PLXNA4: variants seen among roughly 807,000 people sequenced by gnomAD.
PLXNA4 encodes the protein plexin-A4.
A neutral mutation model predicts 191.8 loss-of-function variants in PLXNA4; 44 were observed. The ratio of observed to expected loss-of-function variants is 0.23; its 90% CI spans 0.18 to 0.29. The LOEUF is 0.29. Ranked by LOEUF, PLXNA4 falls within the 10% of genes least tolerant of loss-of-function variation. The probability of loss-of-function intolerance (pLI) is 1.00; values close to 1 mark genes in which losing one functional copy is unlikely to be tolerated. For synonymous variants in PLXNA4, 1,082 were observed against 1,009.5 expected, an observed-to-expected ratio of 1.07 and a Z score of -1.36; for missense variants, 1,800 against 2,488.8, an observed-to-expected ratio of 0.72 and a Z score of 5.89.
rs536317173 is a variant in PLXNA4 at position 132,403,181 on chromosome 7, C to A, written c.1371+86111G>T. Among the ~76,000 whole-genome samples, 4 of 152,320 alleles carry A rather than the reference C, an allele frequency of 2.6e-5. No homozygotes were observed. In the East Asian group the frequency reaches 7.7e-4, roughly 29 times the overall value. ...CCACTACACAGAGCCCAGGTCCCGG[C>A]CCCAGACTCAGAGGCCCTGACGCCT... is the stretch of plus-strand genomic sequence containing the variant. On this transcript the variant is annotated intron_variant, in intron 3 of 31. Coordinates refer to ENST00000321063, the MANE Select transcript of PLXNA4 (RefSeq NM_020911.2).
chr7:132,272,347 C>T (rs1224795449), intron 4 of PLXNA4, among the ~76,000 whole-genome samples: 1 of 152,204 alleles, frequency 6.6e-6, no homozygotes, highest in Non-Finnish European at 1.5e-5. Flanking sequence ...CTCAGTTTCT[C>T]ATCTGTAAAA....
chr7:132,452,200 T>A (rs532642546), intron 3 of PLXNA4, among the ~76,000 whole-genome samples: 2 of 152,340 alleles, frequency 1.3e-5, no homozygotes, highest in South Asian at 4.1e-4. Context: ...CAAAAACCTT[T>A]ATCTGTCATC....
At chr7:132,153,916 C>A (rs913449963) in intron 25 of PLXNA4, among the ~76,000 whole-genome samples, 1 of 152,300 alleles carries the variant, frequency 6.6e-6, no homozygotes, top group East Asian at 1.9e-4. Flanking sequence ...GTCTTCCTAT[C>A]ATCATCTCTC....
chr7:132,459,749 G>C (rs1796434229), intron 3 of PLXNA4, among the ~76,000 whole-genome samples: 2 of 152,146 alleles, frequency 1.3e-5, no homozygotes, highest in African/African-American at 4.8e-5. Context: ...AAGTGGGGAG[G>C]CTCCCTCGAT....
chr7:132,615,414 C>G (rs992137612), intron 2 of PLXNA4, among the ~76,000 whole-genome samples: 37 of 152,208 alleles, frequency 2.4e-4, no homozygotes, highest in Non-Finnish European at 3.4e-4. Context: ...GCGGAGGGGA[C>G]GGGGGCTGGG....
intron 2 of PLXNA4, among the ~76,000 whole-genome samples, chr7:132,584,234 A>G (rs1260217450): frequency 6.6e-6 from 1 of 152,240 alleles, no homozygotes; most frequent in Non-Finnish European, 1.5e-5. Context: ...AATTAAAAGA[A>G]AATATTAATA....
At chr7:132,608,506 G>T (rs1457916077) in intron 2 of PLXNA4, among the ~76,000 whole-genome samples, 4 of 152,130 alleles carry the variant, frequency 2.6e-5, no homozygotes, top group Non-Finnish European at 5.9e-5. Flanking sequence ...CAGTGAAAGT[G>T]CTCTCAGAGA....
intron 3 of PLXNA4, among the ~76,000 whole-genome samples, chr7:132,434,698 G>A (rs906826478): frequency 6.6e-6 from 1 of 152,174 alleles, no homozygotes; most frequent in Non-Finnish European, 1.5e-5. Flanking sequence ...CTCATTTGGG[G>A]ACACCAAGGC....
At chr7:132,355,110 A>C (rs1262177226) in intron 3 of PLXNA4, among the ~76,000 whole-genome samples, 1 of 152,182 alleles carries the variant, frequency 6.6e-6, no homozygotes, top group African/African-American at 2.4e-5. Flanking sequence ...GGGCTGGTTC[A>C]TGAAGCCTTG....
At chr7:132,330,779 G>T (rs1047126636) in intron 3 of PLXNA4, among the ~76,000 whole-genome samples, 9 of 152,184 alleles carry the variant, frequency 5.9e-5, no homozygotes, top group South Asian at 2.1e-4. Context: ...CACTGACCCT[G>T]GCAGCCACCT....
intron 16 of PLXNA4, 136 bp downstream of exon 16, chr7:132,185,163 G>C (rs1796834745): frequency 7.7e-7 from 1 of 1,303,168 alleles, no homozygotes; most frequent in African/African-American, 1.5e-5. Flanking sequence ...GTCTGATTTG[G>C]GGGTGTTTGG....
chr7:132,365,776 T>C (rs1274480470), intron 3 of PLXNA4: 1 of 152,160 alleles, frequency 6.6e-6, no homozygotes, highest in Admixed American at 6.5e-5. Flanking sequence ...GAAACTCAAT[T>C]CCTTTGAGAA....
At chr7:132,174,570 A>G (rs377281523) in intron 21 of PLXNA4, among the ~76,000 whole-genome samples, 7 of 152,292 alleles carry the variant, frequency 4.6e-5, no homozygotes, top group African/African-American at 7.2e-5. Flanking sequence ...CAAGACCTGA[A>G]GCCCTACTCA....
At chr7:132,245,664 CA>C (rs1488316364) in intron 4 of PLXNA4, among the ~76,000 whole-genome samples, 2 of 152,250 alleles carry the variant, frequency 1.3e-5, no homozygotes, top group Admixed American at 1.3e-4. Flanking sequence ...TCACAATAGC[CA>C]AAAGATGGAA....
chr7:132,595,929 C>A (rs1436861499), intron 2 of PLXNA4, among the ~76,000 whole-genome samples: 1 of 152,136 alleles, frequency 6.6e-6, no homozygotes, highest in Non-Finnish European at 1.5e-5. Flanking sequence ...ACCTTCAATA[C>A]CATTATTGTG....
intron 2 of PLXNA4, among the ~76,000 whole-genome samples, chr7:132,593,668 C>T (rs1435993822): frequency 1.3e-5 from 2 of 152,218 alleles, no homozygotes; most frequent in African/African-American, 4.8e-5. Context: ...AAGTCACAGG[C>T]AGCAGGTCTC....
At chr7:132,234,509 G>C (rs564703389) in intron 5 of PLXNA4, among the ~76,000 whole-genome samples, 1 of 152,250 alleles carries the variant, frequency 6.6e-6, no homozygotes, top group East Asian at 1.9e-4. Context: ...GGGACATTGA[G>C]AGCTTGAGCA....
intron 2 of PLXNA4, among the ~76,000 whole-genome samples, chr7:132,618,458 T>C (rs1171089473): frequency 2.6e-5 from 4 of 152,254 alleles, no homozygotes; most frequent in Admixed American, 2.0e-4. Context: ...TTAATAAATA[T>C]GTGTTGACCA....
chr7:132,562,665 TTCCTCC>T lies in PLXNA4; in HGVS notation c.-87+13751_-87+13756del, dbSNP rs1356336558. Among the ~76,000 whole-genome samples the T allele has an allele frequency of 8.4e-3, 556 of 66,450 alleles. 19 individuals carry two copies. The highest frequency in any genetic ancestry group is 0.035 in the African/African-American group (517 of 14,958). The allele number at this position is 66,450 out of a possible 152,430, so 43.6% of individuals were successfully genotyped here. ...CTTTCTCCTCCTCCTCCTCCTTCTC[TTCCTCC>T]TCCTCCTCCTCTCCTCCTTTTCCTC... On this transcript the variant is annotated intron_variant, in intron 1 of 31. Coordinates refer to ENST00000321063, the MANE Select transcript of PLXNA4 (RefSeq NM_020911.2).
Sources: gnomAD v4.1 joint callset for allele counts (sites outside exome capture counted in the v4.1 genomes callset) on GRCh38, gnomAD v4.1.1 for gene constraint, MANE v1.5 for transcripts, NCBI Gene and HGNC (gene_info 2026-07-23, HGNC 2026-07-21) for gene names.